NKTR: variants seen among roughly 807,000 people sequenced by gnomAD.
The protein encoded by NKTR is NK-tumor recognition protein.
In NKTR, 67 loss-of-function variants were observed where a neutral mutation model predicts 156.3. That is an observed-to-expected ratio of 0.43 (90% CI 0.35 to 0.53). NKTR has a LOEUF of 0.53. NKTR is among the 20% of genes least tolerant of loss of function. The probability of loss-of-function intolerance (pLI) is 0.01; values close to 1 mark genes in which losing one functional copy is unlikely to be tolerated. For synonymous variants in NKTR, 640 were observed against 596.6 expected, an observed-to-expected ratio of 1.07 and a Z score of -1.06; for missense variants, 1,604 against 1,730.9, an observed-to-expected ratio of 0.93 and a Z score of 1.30.
At chr3:42,615,251 G>C (rs751649881) in intron 2 of NKTR, among the ~76,000 whole-genome samples, 2 of 151,822 alleles carry the variant, frequency 1.3e-5, no homozygotes, top group Non-Finnish European at 2.9e-5. Flanking sequence ...GCTAATTTTT[G>C]TATTTTTAGT....
Position 42,638,479 on chromosome 3 carries a change from T to A in NKTR, c.2775T>A (p.Ile925=), listed in dbSNP as rs1332458707. 1.2e-6 allele frequency: 2 copies of A among 1,611,212 alleles called. No individual in the cohort carries two copies. Among genetic ancestry groups the A allele is most frequent in the Admixed American group, 3.4e-5 (2 of 59,318 alleles). ...ATTCTGAATCAGAGGTTAGTGAAATTCACATCAAAGTCAAACCCACAACCA... is the reference window on the plus strand; with the variant it reads ...ATTCTGAATCAGAGGTTAGTGAAATACACATCAAAGTCAAACCCACAACCA... ...TSDSESEVSE[I]HIKVKPTTKS... Residue 925 remains isoleucine (I), a synonymous_variant, in exon 13 of 17, where the codon ATT becomes ATA. Transcript: ENST00000232978.
chr3:42,639,406 C>A lies in NKTR; in HGVS notation c.3702C>A (p.Asn1234Lys), dbSNP rs1709690074. 2.5e-6 allele frequency: 4 copies of A among 1,613,852 alleles called. No individual in the cohort carries two copies. The highest frequency in any genetic ancestry group is 2.5e-6 in the Non-Finnish European group (3 of 1,179,906). Reference protein sequence around the residue: ...KKWKPLQGVGNLAAPNAATSS... With the variant: ...KKWKPLQGVGKLAAPNAATSS... ...GGAAGCCCCTGCAAGGTGTGGGGAA[C>A]CTGGCAGCACCTAATGCTGCCACAT... is the stretch of plus-strand genomic sequence containing the variant. The change falls in exon 13 of 17, where the codon AAC becomes AAA. Residue 1234 changes from asparagine to lysine, a missense_variant. Around this residue, in one of 6 missense-constraint regions of NKTR, gnomAD observed 1,255 missense variants for 1,243.7 expected, o/e 1.01. Transcript: ENST00000232978.
intron 13 of NKTR, among the ~76,000 whole-genome samples, chr3:42,641,670 G>A (rs1709897574): frequency 6.6e-6 from 1 of 152,120 alleles, no homozygotes; most frequent in East Asian, 1.9e-4. Flanking sequence ...ACAAGGTCAG[G>A]AGTTCAACAC....
rs755052002 is a variant in NKTR at position 42,639,368 on chromosome 3, A to C, written c.3664A>C (p.Ile1222Leu). Reference sequence around the variant, plus strand: ...GGCTGAGAAGAGCCAGATCAACCTCATTGATAAGAAATGGAAGCCCCTGCA... The same window carrying C: ...GGCTGAGAAGAGCCAGATCAACCTCCTTGATAAGAAATGGAAGCCCCTGCA... ...EVAEKSQINL[I>L]DKKWKPLQGV... is the part of the protein sequence containing the mutation. The change falls in exon 13 of 17, where the codon ATT becomes CTT. Residue 1222 changes from isoleucine (I) to leucine (L), a missense_variant. Ile to Leu is a conservative substitution (Grantham distance 5, BLOSUM62 2). Around this residue, in one of 6 missense-constraint regions of NKTR, gnomAD observed 1,255 missense variants for 1,243.7 expected, o/e 1.01. Transcript: ENST00000232978. The C allele has an allele frequency of 6.2e-7, 1 of 1,614,098 alleles. No individual in the cohort carries two copies. The highest frequency in any genetic ancestry group is 1.1e-5 in the South Asian group (1 of 91,084).
At chr3:42,616,192 A>G (rs1432827360) in intron 2 of NKTR, among the ~76,000 whole-genome samples, 1 of 152,176 alleles carries the variant, frequency 6.6e-6, no homozygotes, top group African/African-American at 2.4e-5. Flanking sequence ...TCTGAACATG[A>G]TTTATGCTTG....
intron 2 of NKTR, among the ~76,000 whole-genome samples, chr3:42,609,193 A>G (rs1706535790): frequency 6.6e-6 from 1 of 152,052 alleles, no homozygotes; most frequent in South Asian, 2.1e-4. Context: ...TATCACTTAG[A>G]AAATTACAAG....
intron 5 of NKTR, chr3:42,619,919 G>C: frequency 6.9e-7 from 1 of 1,457,000 alleles, no homozygotes; most frequent in Non-Finnish European, 9.0e-7. Flanking sequence ...CTAACTTTAT[G>C]GTTAAACATG....
At chr3:42,605,982 A>G (rs548671582) in intron 2 of NKTR, among the ~76,000 whole-genome samples, 7 of 152,322 alleles carry the variant, frequency 4.6e-5, no homozygotes, top group Admixed American at 1.3e-4. Flanking sequence ...GTTTGGTATA[A>G]CAATCGGATA....
chr3:42,607,969 CTTTTTTTTTT>C (rs201803926), intron 2 of NKTR, among the ~76,000 whole-genome samples: 43 of 74,936 alleles, frequency 5.7e-4, no homozygotes, highest in Non-Finnish European at 8.9e-4. Flanking sequence ...CTGAGTCGCT[CTTTTTTTTTT>C]TTTTTTTTTT....
At chr3:42,630,050 G>C in intron 6 of NKTR, 1 of 985,558 alleles carries the variant, frequency 1.0e-6, no homozygotes, top group Non-Finnish European at 1.2e-6. Flanking sequence ...ACCTCTGCCT[G>C]CCTAAAAATG....
chr3:42,622,379 C>T (rs1315572836), intron 6 of NKTR, among the ~76,000 whole-genome samples: 1 of 151,898 alleles, frequency 6.6e-6, no homozygotes, highest in African/African-American at 2.4e-5. Context: ...TCTCAGTTGT[C>T]CTATGTATGT....
chr3:42,619,958 A>C, intron 5 of NKTR: 1 of 1,525,802 alleles, frequency 6.6e-7, no homozygotes, highest in Non-Finnish European at 8.8e-7. Flanking sequence ...AGGCAACTAT[A>C]TACATGAAAA....
intron 11 of NKTR, 25 bp from the exon 12 acceptor site, chr3:42,635,196 A>G (rs1277945013): frequency 6.3e-7 from 1 of 1,598,644 alleles, no homozygotes; most frequent in African/African-American, 1.3e-5. Context: ...CATTTTTTAA[A>G]ATACTATTGT....
chr3:42,603,380 A>C (rs1043270277), intron 2 of NKTR, among the ~76,000 whole-genome samples: 3 of 143,774 alleles, frequency 2.1e-5, no homozygotes, highest in African/African-American at 8.0e-5. Flanking sequence ...AAAAAAAAAA[A>C]AAAAACAGCT....
chr3:42,627,680 T>A, intron 6 of NKTR: 1 of 983,738 alleles, frequency 1.0e-6, no homozygotes, highest in Non-Finnish European at 1.2e-6. Flanking sequence ...AATCACTGTC[T>A]TTAAGTACAA....
At chr3:42,641,209 T>C (rs193246614) in intron 13 of NKTR, among the ~76,000 whole-genome samples, 2 of 152,350 alleles carry the variant, frequency 1.3e-5, no homozygotes, top group Non-Finnish European at 2.9e-5. Flanking sequence ...GAACTGTGTG[T>C]TACTCATCGT....
intron 3 of NKTR, among the ~76,000 whole-genome samples, chr3:42,618,028 A>T (rs1707546404): frequency 6.6e-6 from 1 of 152,064 alleles, no homozygotes; most frequent in South Asian, 2.1e-4. Context: ...AAAAATGGGG[A>T]GGGAAACATC....
chr3:42,639,799 G>GT (rs554886327), intron 13 of NKTR, 49 bp downstream of exon 13: 100 of 1,255,828 alleles, frequency 8.0e-5, no homozygotes, highest in Non-Finnish European at 1.0e-4. Flanking sequence ...GTCTGTTATT[G>GT]TTTAGCTTGG....
intron 6 of NKTR, chr3:42,629,122 CA>C: frequency 1.0e-6 from 1 of 975,726 alleles, no homozygotes; most frequent in Non-Finnish European, 1.2e-6. Flanking sequence ...AATTAAAGCA[CA>C]TTTCTATCTT....
Sources: gnomAD v4.1 joint callset for allele counts (sites outside exome capture counted in the v4.1 genomes callset) on GRCh38, gnomAD v4.1.1 for gene constraint, gnomAD v4.1.1 regional missense constraint, MANE v1.5 for transcripts, NCBI Gene and HGNC (gene_info 2026-07-23, HGNC 2026-07-21) for gene names.